The following CSMD1 variants were observed in gnomAD, a reference collection of about 807,000 sequenced individuals.
The protein encoded by CSMD1 is CUB and Sushi multiple domains 1, also known as CUB and sushi domain-containing protein 1.
A neutral mutation model predicts 417.5 loss-of-function variants in CSMD1; 213 were observed. The observed-to-expected ratio is 0.51, with a 90% CI of 0.46 to 0.57. The LOEUF is 0.57. Ranked by LOEUF, CSMD1 falls within the 20% of genes least tolerant of loss-of-function variation. The pLI is 0.00. For synonymous variants in CSMD1, 2,862 were observed against 1,736.8 expected (o/e 1.65, Z -16.11); for missense variants, 6,923 against 4,529.7 (o/e 1.53, Z -15.17).
rs115735746 is a variant in CSMD1 at position 4,208,003 on chromosome 8, A to G, written c.416-175904T>C. 2.0e-3 allele frequency among the ~76,000 whole-genome samples: 302 copies of G among 152,284 alleles called. 3 individuals are homozygous for G. Among genetic ancestry groups the G allele is most frequent in the African/African-American group, 7.1e-3 (295 of 41,566 alleles). ...GAAATAGTTAAGCAGAGAAAAGTTTAAAACCTAAAAGTCCAACAGTAGGAG... is the reference window on the plus strand; with the variant it reads ...GAAATAGTTAAGCAGAGAAAAGTTTGAAACCTAAAAGTCCAACAGTAGGAG... On this transcript the variant is annotated intron_variant, in intron 3 of 69. Coordinates refer to ENST00000635120, the MANE Select transcript of CSMD1 (RefSeq NM_033225.6).
intron 7 of CSMD1, among the ~76,000 whole-genome samples, chr8:3,646,443 G>C (rs1298094357): frequency 6.6e-6 from 1 of 152,056 alleles, no homozygotes; most frequent in East Asian, 1.9e-4. Flanking sequence ...AACCTTGTTT[G>C]TAAATAAGGG....
intron 3 of CSMD1, among the ~76,000 whole-genome samples, chr8:4,046,412 C>T (rs1040443424): frequency 6.6e-6 from 1 of 152,130 alleles, no homozygotes; most frequent in Non-Finnish European, 1.5e-5. Flanking sequence ...TTTTCATATT[C>T]ATTCAAACCT....
chr8:4,390,790 C>T (rs998497222), intron 3 of CSMD1, among the ~76,000 whole-genome samples: 1 of 152,066 alleles, frequency 6.6e-6, no homozygotes, highest in Non-Finnish European at 1.5e-5. Context: ...ATCCACCTGC[C>T]TCAGCCTCCC....
At chr8:3,709,373 G>A (rs1432631254) in intron 6 of CSMD1, among the ~76,000 whole-genome samples, 5 of 152,106 alleles carry the variant, frequency 3.3e-5, no homozygotes, top group Non-Finnish European at 7.4e-5. Flanking sequence ...CCATGACCTA[G>A]GTAAGTTACT....
intron 12 of CSMD1, among the ~76,000 whole-genome samples, chr8:3,464,057 A>G (rs1194846566): frequency 3.9e-5 from 6 of 152,210 alleles, no homozygotes; most frequent in African/African-American, 1.4e-4. Flanking sequence ...ATTAGCCCAA[A>G]ATAGGTCTTG....
chr8:3,712,598 G>C (rs1033675933), intron 6 of CSMD1, among the ~76,000 whole-genome samples: 7 of 152,150 alleles, frequency 4.6e-5, no homozygotes, highest in African/African-American at 1.2e-4. Context: ...CGTGATTGAT[G>C]ACAAAACATA....
At chr8:3,646,833 C>T (rs544599446) in intron 7 of CSMD1, among the ~76,000 whole-genome samples, 4 of 152,270 alleles carry the variant, frequency 2.6e-5, no homozygotes, top group East Asian at 1.9e-4. Flanking sequence ...CTCCTCCCAC[C>T]CGCTGGCTGC....
chr8:4,680,950 A>ATGTGTG lies in CSMD1; in HGVS notation c.86-43398_86-43393dup, dbSNP rs71209112. ...ACAAACCCCTAATCTATCTATATTG[A>ATGTGTG]TGTGTGTGTGTGTGTGTGTGTGTGT... is the stretch of plus-strand genomic sequence containing the variant. On this transcript the variant is annotated intron_variant, in intron 1 of 69. Coordinates refer to ENST00000635120, the MANE Select transcript of CSMD1 (RefSeq NM_033225.6). 1.3e-3 allele frequency among the ~76,000 whole-genome samples: 182 copies of ATGTGTG among 144,472 alleles called. 1 individual carries two copies. The highest frequency in any genetic ancestry group is 3.9e-3 in the African/African-American group (148 of 38,278). 94.8% of individuals were successfully genotyped at this position (144,472 alleles called of 152,430 possible). A position where few individuals can be genotyped will look rare whatever the true frequency, so the allele number is the denominator to read the frequency against.
intron 10 of CSMD1, among the ~76,000 whole-genome samples, chr8:3,565,130 G>GAAAAAAA (rs1245870662): frequency 6.0e-4 from 1 of 1,672 alleles, no homozygotes; most frequent in Non-Finnish European, 1.1e-3. Context: ...GTGCAAGACA[G>GAAAAAAA]CAAAAAAAAA....
chr8:3,799,827 T>G (rs1249452452), intron 5 of CSMD1, among the ~76,000 whole-genome samples: 2 of 152,110 alleles, frequency 1.3e-5, no homozygotes, highest in Non-Finnish European at 2.9e-5. Context: ...CTAATCTAAA[T>G]GGACATGAGG....
chr8:4,631,983 G>C (rs749228198), intron 2 of CSMD1, among the ~76,000 whole-genome samples: 1 of 152,092 alleles, frequency 6.6e-6, no homozygotes, highest in African/African-American at 2.4e-5. Context: ...GTTTCTCTTA[G>C]ACCTTTGATA....
chr8:4,628,785 G>C (rs1802321602), intron 2 of CSMD1, among the ~76,000 whole-genome samples: 1 of 152,016 alleles, frequency 6.6e-6, no homozygotes, highest in African/African-American at 2.4e-5. Context: ...AGCCTCTACT[G>C]AAATCACTAC....
At chr8:4,432,015 A>C (rs1455078820) in intron 2 of CSMD1, among the ~76,000 whole-genome samples, 1 of 152,130 alleles carries the variant, frequency 6.6e-6, no homozygotes, top group Non-Finnish European at 1.5e-5. Flanking sequence ...TGTATTCTCA[A>C]AAGGCCTGCA....
chr8:4,108,106 A>C (rs1030006898), intron 3 of CSMD1, among the ~76,000 whole-genome samples: 1 of 151,888 alleles, frequency 6.6e-6, no homozygotes, highest in African/African-American at 2.4e-5. Flanking sequence ...CAAGAAAAAG[A>C]CGGAGGAGGA....
intron 2 of CSMD1, among the ~76,000 whole-genome samples, chr8:4,435,195 A>C (rs960957745): frequency 3.9e-5 from 6 of 152,196 alleles, no homozygotes; most frequent in African/African-American, 1.4e-4. Context: ...AAATTGATAC[A>C]CAAGTACATC....
chr8:2,939,462 C>T (rs985411039), intron 69 of CSMD1, among the ~76,000 whole-genome samples: 4 of 152,188 alleles, frequency 2.6e-5, no homozygotes, highest in South Asian at 2.1e-4. Context: ...AAAACCCCTA[C>T]GTACAATCTA....
At chr8:4,189,269 C>T (rs1000529328) in intron 3 of CSMD1, among the ~76,000 whole-genome samples, 1 of 152,162 alleles carries the variant, frequency 6.6e-6, no homozygotes, top group African/African-American at 2.4e-5. Context: ...TGTAGAGAAA[C>T]ACTTCCTATC....
At chr8:3,535,687 C>A (rs1261130487) in intron 10 of CSMD1, among the ~76,000 whole-genome samples, 1 of 152,224 alleles carries the variant, frequency 6.6e-6, no homozygotes, top group African/African-American at 2.4e-5. Context: ...AACAAAATTG[C>A]ACTTGTACCC....
intron 49 of CSMD1, among the ~76,000 whole-genome samples, chr8:3,081,200 C>A (rs1814072537): frequency 1.3e-5 from 2 of 152,166 alleles, no homozygotes; most frequent in African/African-American, 4.8e-5. Context: ...TGCTCATTTA[C>A]TAAAAGGTAC....
Sources: gnomAD v4.1 joint callset for allele counts (sites outside exome capture counted in the v4.1 genomes callset) on GRCh38, gnomAD v4.1.1 for gene constraint, MANE v1.5 for transcripts, NCBI Gene and HGNC (gene_info 2026-07-23, HGNC 2026-07-21) for gene names.